TPX2: variants seen among roughly 807,000 people sequenced by gnomAD.
TPX2 encodes TPX2 microtubule nucleation factor.
In TPX2, 21 loss-of-function variants were observed where a neutral mutation model predicts 93.6. The observed-to-expected ratio is 0.22, with a 90% confidence interval of 0.16 to 0.32. TPX2 has a LOEUF of 0.32. TPX2 is among the 10% of genes least tolerant of loss of function. The probability of loss-of-function intolerance (pLI) is 1.00; values close to 1 mark genes in which losing one functional copy is unlikely to be tolerated. For synonymous variants in TPX2, 281 were observed against 298.3 expected (o/e 0.94, Z 0.60); for missense variants, 776 against 871.1 (o/e 0.89, Z 1.37).
In TPX2 at chr20:31,797,380, TCTGA is replaced by T; in HGVS notation, c.1834-17_1834-14del. ...TCATAGAAAGGTGAGACATTGCTCA[TCTGA>T]CTGACTTTCTCTCTAATAGCTGGAA... On this transcript the variant is annotated intron_variant, in intron 15 of 17. Coordinates refer to ENST00000300403, the MANE Select transcript of TPX2 (RefSeq NM_012112.5). The T allele has an allele frequency of 6.2e-7, 1 of 1,609,576 alleles. No individual in the cohort carries two copies. Among genetic ancestry groups the T allele is most frequent in the Non-Finnish European group, 8.5e-7 (1 of 1,175,978 alleles).
chr20:31,759,612 A>G (rs950026709), intron 3 of TPX2, among the ~76,000 whole-genome samples: 4 of 151,788 alleles, frequency 2.6e-5, no homozygotes, highest in African/African-American at 7.2e-5. Flanking sequence ...GTTGGCCAAG[A>G]CAGTCTCGAT....
In TPX2 at chr20:31,783,912, A is replaced by G; in HGVS notation, c.1404A>G (p.Glu468=). The change falls in exon 12 of 18, where the codon GAA becomes GAG. Residue 468 remains glutamate, a synonymous_variant. Transcript: ENST00000300403. ...GACCTTGCCCTACTAAGATTTTGGA[A>G]GATGTTGTGGTAAGGTTGAGGCTAT... is the stretch of plus-strand genomic sequence containing the variant. ...HSRPCPTKIL[E]DVVGVPEKKV... The G allele has an allele frequency of 3.1e-6, 5 of 1,613,336 alleles. No individual in the cohort carries two copies. Among genetic ancestry groups the G allele is most frequent in the Non-Finnish European group, 4.2e-6 (5 of 1,179,880 alleles).
intron 2 of TPX2, among the ~76,000 whole-genome samples, chr20:31,751,369 A>T (rs2061818528): frequency 6.6e-6 from 1 of 152,066 alleles, no homozygotes; most frequent in African/African-American, 2.4e-5. Flanking sequence ...TTAGGCATTA[A>T]GATCATGGGA....
At chr20:31,742,274 T>G (rs1600347024) in intron 1 of TPX2, among the ~76,000 whole-genome samples, 1 of 150,696 alleles carries the variant, frequency 6.6e-6, no homozygotes, top group African/African-American at 2.4e-5. Context: ...GCTTCCCAGG[T>G]TCAAGCGATT....
intron 6 of TPX2, among the ~76,000 whole-genome samples, chr20:31,771,152 C>G (rs906729456): frequency 2.0e-5 from 3 of 152,150 alleles, no homozygotes; most frequent in African/African-American, 7.2e-5. Flanking sequence ...TCCCTAGTTG[C>G]AGTAGAGGCT....
chr20:31,753,240 T>C (rs556212836), intron 2 of TPX2, among the ~76,000 whole-genome samples: 8 of 152,206 alleles, frequency 5.3e-5, no homozygotes, highest in Non-Finnish European at 8.8e-5. Flanking sequence ...GGCAGAAGGA[T>C]GTAGAAAGAA....
At chr20:31,763,429 C>G (rs1175848374) in intron 4 of TPX2, among the ~76,000 whole-genome samples, 1 of 152,114 alleles carries the variant, frequency 6.6e-6, no homozygotes, top group Admixed American at 6.5e-5. Flanking sequence ...ATCTACCTGC[C>G]TCGGCCTCTG....
At position 31,770,612 on chromosome 20, in the gene TPX2, C is replaced by T. The variant is rs188549611; in HGVS notation, c.485+141C>T. On this transcript the variant is annotated intron_variant, in intron 6 of 17. Transcript: ENST00000300403. ...TACATCTGTAATATGTTTGGTGTAC[C>T]TCAAGCTTGAGAAATGCCTAAAACT... The T allele has an allele frequency of 2.5e-4, 206 of 821,884 alleles. 2 individuals are homozygous for T. The highest frequency in any genetic ancestry group is 6.5e-4 in the Admixed American group (19 of 29,020). The allele number at this position is 821,884 out of a possible 1,614,324, so 50.9% of individuals were successfully genotyped here. A position where few individuals can be genotyped will look rare whatever the true frequency, so the allele number is the denominator to read the frequency against.
intron 2 of TPX2, among the ~76,000 whole-genome samples, chr20:31,754,692 T>G (rs1322607219): frequency 2.0e-5 from 3 of 152,138 alleles, no homozygotes; most frequent in African/African-American, 7.2e-5. Context: ...ATTATGGATG[T>G]GTACAGAAAT....
At chr20:31,798,809 G>A (rs569127121) in intron 17 of TPX2, among the ~76,000 whole-genome samples, 3 of 152,152 alleles carry the variant, frequency 2.0e-5, no homozygotes, top group African/African-American at 7.2e-5. Context: ...TACAAAACTC[G>A]CAGTGTTCAT....
chr20:31,750,593 G>A (rs1488392079), intron 2 of TPX2, among the ~76,000 whole-genome samples: 1 of 151,942 alleles, frequency 6.6e-6, no homozygotes, highest in African/African-American at 2.4e-5. Flanking sequence ...AGCCTCCCGA[G>A]TAGCTGGGAT....
intron 4 of TPX2, among the ~76,000 whole-genome samples, chr20:31,761,120 G>T (rs1409419103): frequency 6.6e-6 from 1 of 151,788 alleles, no homozygotes; most frequent in African/African-American, 2.4e-5. Context: ...AAAGTATTAT[G>T]TGGGTAAATC....
At chr20:31,748,744 C>A (rs1390714895) in intron 2 of TPX2, among the ~76,000 whole-genome samples, 2 of 152,118 alleles carry the variant, frequency 1.3e-5, no homozygotes. Context: ...TGTAACTTCT[C>A]TGAGCTTGTT....
intron 12 of TPX2, among the ~76,000 whole-genome samples, chr20:31,789,473 G>T (rs1467301066): frequency 1.3e-5 from 2 of 152,058 alleles, no homozygotes; most frequent in East Asian, 3.8e-4. Context: ...AGTAAATATG[G>T]TAATATTAAC....
intron 12 of TPX2, among the ~76,000 whole-genome samples, chr20:31,785,127 A>G (rs1433986790): frequency 1.3e-5 from 2 of 152,216 alleles, no homozygotes; most frequent in South Asian, 2.1e-4. Context: ...ATGCTTAGAA[A>G]TGGTTCTCCT....
intron 6 of TPX2, among the ~76,000 whole-genome samples, chr20:31,770,724 C>T (rs529972586): frequency 3.3e-5 from 5 of 152,178 alleles, no homozygotes; most frequent in African/African-American, 4.8e-5. Context: ...TTTGTTTTTA[C>T]GGCTAATAAC....
chr20:31,781,897 T>A (rs933709484), intron 10 of TPX2, among the ~76,000 whole-genome samples: 7 of 151,894 alleles, frequency 4.6e-5, no homozygotes, highest in African/African-American at 1.7e-4. Context: ...TGAGCCTTTA[T>A]GCCCCTGCAC....
chr20:31,751,806 AATCTC>A (rs1223343307), intron 2 of TPX2, among the ~76,000 whole-genome samples: 8 of 152,150 alleles, frequency 5.3e-5, no homozygotes, highest in Admixed American at 5.2e-4. Flanking sequence ...GCAATGGCGC[AATCTC>A]AGCTCACTGC....
chr20:31,772,854 A>T (rs558474030), intron 7 of TPX2, among the ~76,000 whole-genome samples: 36 of 152,156 alleles, frequency 2.4e-4, no homozygotes, highest in Non-Finnish European at 1.3e-4. Flanking sequence ...TCTTTGAGTG[A>T]TCTTCTCAGA....
Sources: gnomAD v4.1 joint callset for allele counts (sites outside exome capture counted in the v4.1 genomes callset) on GRCh38, gnomAD v4.1.1 for gene constraint, MANE v1.5 for transcripts, NCBI Gene and HGNC (gene_info 2026-07-23, HGNC 2026-07-21) for gene names.